Variants in XKR3 observed in about 807,000 individuals in gnomAD.
XKR3 encodes XK-related protein 3.
In XKR3, 27 loss-of-function variants were observed where a neutral mutation model predicts 40.3. The observed-to-expected ratio is 0.67, with a 90% CI of 0.49 to 0.92. The LOEUF is 0.92. Among genes scored for constraint, XKR3 ranks in the 40% least tolerant of loss-of-function variants. The pLI, the probability that XKR3 is intolerant of heterozygous loss-of-function variation, is 0.00. For synonymous variants in XKR3, 193 were observed against 195.4 expected (o/e 0.99, Z 0.10); for missense variants, 472 against 537.6 (o/e 0.88, Z 1.21).
Position 16,821,345 on chromosome 22 carries a change from C to G in XKR3, c.-11+3946G>C, listed in dbSNP as rs1420122394. Among the ~76,000 whole-genome samples the G allele has an allele frequency of 3.3e-5, 5 of 152,024 alleles. 1 individual carries two copies. The highest frequency in any genetic ancestry group is 3.3e-4 in the Admixed American group (5 of 15,260). ...GAAAGAATACTTAAAATAATTCTAA[C>G]AGATTATCTTAAGAGTACTATAGAA... On this transcript the variant is annotated intron_variant, in intron 1 of 3. Transcript: ENST00000684488.
At chr22:16,799,018 A>T (rs2060154725) in intron 3 of XKR3, among the ~76,000 whole-genome samples, 1 of 152,212 alleles carries the variant, frequency 6.6e-6, no homozygotes, top group Admixed American at 6.5e-5. Context: ...TAAGGTAAAA[A>T]TTTAAAATAA....
chr22:16,805,072 C>A (rs1366023794), intron 2 of XKR3, among the ~76,000 whole-genome samples: 1 of 151,778 alleles, frequency 6.6e-6, no homozygotes, highest in East Asian at 1.9e-4. Context: ...AGGTTCTAAC[C>A]AAAATAATTA....
At chr22:16,816,257 T>A (rs574720657) in intron 1 of XKR3, among the ~76,000 whole-genome samples, 1 of 152,022 alleles carries the variant, frequency 6.6e-6, no homozygotes, top group East Asian at 1.9e-4. Flanking sequence ...CAGCCTGTTG[T>A]TCAATCCCTC....
intron 1 of XKR3, chr22:16,821,572 G>A (rs2060255983): frequency 6.6e-6 from 1 of 151,454 alleles, no homozygotes; most frequent in South Asian, 2.1e-4. Flanking sequence ...AGATTTCGAA[G>A]GTAAAAAAAT....
intron 2 of XKR3, among the ~76,000 whole-genome samples, chr22:16,803,792 C>A (rs2060178930): frequency 6.6e-6 from 1 of 152,134 alleles, no homozygotes; most frequent in Non-Finnish European, 1.5e-5. Flanking sequence ...AATAATCCAC[C>A]CCTTGTTTAG....
At position 16,810,185 on chromosome 22, in the gene XKR3, C is replaced by T. The variant is rs1410435240; in HGVS notation, c.-10-2102G>A. Among the ~76,000 whole-genome samples the T allele has an allele frequency of 2.6e-5, 4 of 152,188 alleles. No homozygotes were observed. The East Asian group carries it at 7.7e-4, about 29-fold the overall frequency. ...TGAGTCCCATATTTATATCTCCAGC[C>T]AGTCTCTTACCAATGCCCCAAACTT... On this transcript the variant is annotated intron_variant, in intron 1 of 3. Transcript: ENST00000684488.
intron 1 of XKR3, among the ~76,000 whole-genome samples, chr22:16,820,632 T>C (rs1281160100): frequency 1.0e-5 from 1 of 95,606 alleles, no homozygotes; most frequent in African/African-American, 4.0e-5. Flanking sequence ...GCCATCTTGT[T>C]GACATACATA....
chr22:16,791,800 AGAGAGAGAGAGAAAG>A (rs2060119392), intron 3 of XKR3, among the ~76,000 whole-genome samples: 14 of 128,244 alleles, frequency 1.1e-4, no homozygotes, highest in Middle Eastern at 4.3e-3. Flanking sequence ...AGAGAGAGAG[AGAGAGAGAGAGAAAG>A]AGAGAGAGAG....
At chr22:16,814,701 T>C (rs545193309) in intron 1 of XKR3, among the ~76,000 whole-genome samples, 2 of 152,306 alleles carry the variant, frequency 1.3e-5, no homozygotes, top group Non-Finnish European at 2.9e-5. Context: ...AATTCATTCC[T>C]AAGTATTTTA....
At chr22:16,791,027 A>G (rs2060113544) in intron 3 of XKR3, among the ~76,000 whole-genome samples, 1 of 152,192 alleles carries the variant, frequency 6.6e-6, no homozygotes, top group Non-Finnish European at 1.5e-5. Flanking sequence ...CTAATGCATT[A>G]TCCAGAAATT....
chr22:16,821,595 A>T (rs1211412505), intron 1 of XKR3: 1 of 151,734 alleles, frequency 6.6e-6, no homozygotes, highest in Admixed American at 6.6e-5. Context: ...ACACAGCAGA[A>T]TTTTTTTTTA....
intron 1 of XKR3, among the ~76,000 whole-genome samples, chr22:16,816,467 T>C (rs2060234071): frequency 6.6e-6 from 1 of 151,910 alleles, no homozygotes; most frequent in South Asian, 2.1e-4. Context: ...GCCCAGTTAG[T>C]TGATATTTTT....
At chr22:16,784,507 C>A in intron 3 of XKR3, 98 bp from the exon 4 acceptor site, 1 of 1,093,246 alleles carries the variant, frequency 9.1e-7, no homozygotes, top group Non-Finnish European at 1.3e-6. Flanking sequence ...TTCTTCCTCA[C>A]CCACCTCCTT....
intron 1 of XKR3, among the ~76,000 whole-genome samples, chr22:16,820,716 AC>A (rs68132447): frequency 0.15 from 23,466 of 152,128 alleles, 2,007 homozygotes; most frequent in East Asian, 0.37. Flanking sequence ...TAACAAAAAA[AC>A]AGTTGCATAA....
At chr22:16,786,256 G>GCGCGCACACA (rs1555895915) in intron 3 of XKR3, among the ~76,000 whole-genome samples, 109 of 148,706 alleles carry the variant, frequency 7.3e-4, no homozygotes, top group African/African-American at 2.5e-3. Context: ...CAAAACGCGT[G>GCGCGCACACA]CACACACACA....
intron 3 of XKR3, among the ~76,000 whole-genome samples, chr22:16,793,510 T>A (rs1432095984): frequency 2.6e-5 from 4 of 152,184 alleles, no homozygotes; most frequent in African/African-American, 9.7e-5. Context: ...GTTATTTAGG[T>A]GTAGATGCAG....
At chr22:16,818,594 A>G (rs2060243108) in intron 1 of XKR3, among the ~76,000 whole-genome samples, 1 of 151,854 alleles carries the variant, frequency 6.6e-6, no homozygotes, top group African/African-American at 2.4e-5. Flanking sequence ...AACACCACAG[A>G]AAAAAAACTA....
chr22:16,805,131 G>C (rs1212796783), intron 2 of XKR3, among the ~76,000 whole-genome samples: 1 of 152,134 alleles, frequency 6.6e-6, no homozygotes. Flanking sequence ...ATTAAAAAAA[G>C]GAGATGTGAA....
intron 1 of XKR3, among the ~76,000 whole-genome samples, chr22:16,819,732 A>T (rs9618892): frequency 6.6e-6 from 1 of 152,012 alleles, no homozygotes; most frequent in Non-Finnish European, 1.5e-5. Flanking sequence ...GATACCAAAA[A>T]TACAAGCCAT....
Sources: gnomAD v4.1 joint callset for allele counts (sites outside exome capture counted in the v4.1 genomes callset) on GRCh38, gnomAD v4.1.1 for gene constraint, MANE v1.5 for transcripts, NCBI Gene and HGNC (gene_info 2026-07-23, HGNC 2026-07-21) for gene names.